RBFOX1: variants seen among roughly 807,000 people sequenced by gnomAD.
RBFOX1 encodes RNA binding protein fox-1 homolog 1.
A neutral mutation model predicts 57.7 loss-of-function variants in RBFOX1; 8 were observed. The observed-to-expected ratio is 0.14, with a 90% CI of 0.08 to 0.25. The LOEUF (loss-of-function observed/expected upper bound fraction) is 0.25, where lower values mean the gene tolerates loss of function less well. Among genes scored for constraint, RBFOX1 ranks in the 10% least tolerant of loss-of-function variants. The probability of loss-of-function intolerance (pLI) is 1.00; values close to 1 mark genes in which losing one functional copy is unlikely to be tolerated. For missense variants in RBFOX1, 611 were observed against 548.5 expected, an observed-to-expected ratio of 1.11 and a Z score of -1.14; for synonymous variants, 326 against 222.4, an observed-to-expected ratio of 1.47 and a Z score of -4.15.
rs1044919282 is a variant in RBFOX1 at position 6,915,990 on chromosome 16, A to T, written c.-15-136067A>T. Among the ~76,000 whole-genome samples, 4 of 147,634 alleles carry T rather than the reference A, an allele frequency of 2.7e-5. No individual in the cohort carries two copies. In the East Asian group the frequency reaches 5.9e-4, roughly 22 times the overall value. ...GCAGAAAAATCCAGTTTGACATTAAAAGCTGTTTTACTGGGAAAACTTAAA... is the reference window on the plus strand; with the variant it reads ...GCAGAAAAATCCAGTTTGACATTAATAGCTGTTTTACTGGGAAAACTTAAA... On this transcript the variant is annotated intron_variant, in intron 3 of 15. Transcript: ENST00000550418.
rs116499390 is a variant in RBFOX1, at chr16:7,435,993, T to C, written c.28-82154T>C. ...ACATAGCGACCTCTTTTCTTTTCTC[T>C]GCGCTGTGATCTTCAGTTAATTTTT... is the stretch of plus-strand genomic sequence containing the variant. On this transcript the variant is annotated intron_variant, in intron 4 of 15. Transcript: ENST00000550418. 5.3e-3 allele frequency among the ~76,000 whole-genome samples: 806 copies of C among 152,314 alleles called. 9 individuals are homozygous for C. The highest frequency in any genetic ancestry group is 0.019 in the African/African-American group (775 of 41,556).
intron 10 of RBFOX1, among the ~76,000 whole-genome samples, chr16:7,621,809 C>G (rs967094878): frequency 6.6e-6 from 1 of 152,128 alleles, no homozygotes; most frequent in African/African-American, 2.4e-5. Context: ...CACTGATCAG[C>G]AAACTTTGTC....
intron 3 of RBFOX1, among the ~76,000 whole-genome samples, chr16:6,737,347 A>G (rs569768087): frequency 1.1e-4 from 16 of 146,060 alleles, no homozygotes; most frequent in African/African-American, 3.6e-4. Context: ...AAAATGCATC[A>G]GTTTTATCTG....
chr16:6,795,572 C>A (rs1047191614), intron 3 of RBFOX1, among the ~76,000 whole-genome samples: 25 of 152,022 alleles, frequency 1.6e-4, no homozygotes, highest in African/African-American at 5.8e-4. Flanking sequence ...TCAAGACCAG[C>A]CTGGCCAATG....
intron 4 of RBFOX1, among the ~76,000 whole-genome samples, chr16:7,100,015 C>G (rs975658474): frequency 1.3e-5 from 2 of 151,766 alleles, no homozygotes; most frequent in Admixed American, 6.6e-5. Flanking sequence ...TCAGGTTAAA[C>G]TTTAGATTGC....
chr16:5,906,938 T>C (rs537481180), intron 4 of RBFOX1, among the ~76,000 whole-genome samples: 37 of 152,070 alleles, frequency 2.4e-4, no homozygotes, highest in African/African-American at 8.7e-4. Context: ...GGTTTCAACA[T>C]GTTGGTCAGG....
chr16:6,795,212 G>T (rs564589706), intron 3 of RBFOX1, among the ~76,000 whole-genome samples: 1 of 152,112 alleles, frequency 6.6e-6, no homozygotes, highest in Admixed American at 6.5e-5. Flanking sequence ...TGACTTCTAG[G>T]TTACCCACTT....
chr16:6,155,140 T>A (rs967537503), intron 1 of RBFOX1, among the ~76,000 whole-genome samples: 1 of 152,224 alleles, frequency 6.6e-6, no homozygotes, highest in African/African-American at 2.4e-5. Flanking sequence ...ATAAAATCCA[T>A]TGTACATATT....
intron 1 of RBFOX1, chr16:6,092,377 G>A (rs1274797818): frequency 6.6e-6 from 1 of 152,168 alleles, no homozygotes; most frequent in Non-Finnish European, 1.5e-5. Flanking sequence ...TCCCTGGCAA[G>A]CGAACTGTTA....
chr16:6,498,476 C>G (rs564647935), intron 2 of RBFOX1, among the ~76,000 whole-genome samples: 1 of 152,242 alleles, frequency 6.6e-6, no homozygotes, highest in African/African-American at 2.4e-5. Context: ...AGTCAGCCTT[C>G]TCAGAAGGAT....
chr16:5,308,178 A>T (rs1423252583), intron 1 of RBFOX1, among the ~76,000 whole-genome samples: 1 of 152,062 alleles, frequency 6.6e-6, no homozygotes, highest in Non-Finnish European at 1.5e-5. Flanking sequence ...CATCTTTACT[A>T]AAAATACAAA....
At chr16:5,584,299 T>G (rs2046763010) in intron 2 of RBFOX1, among the ~76,000 whole-genome samples, 1 of 152,238 alleles carries the variant, frequency 6.6e-6, no homozygotes, top group African/African-American at 2.4e-5. Context: ...CCCCTGCTCT[T>G]CTTGTCCTTG....
At chr16:7,001,901 G>A (rs535632434) in intron 3 of RBFOX1, among the ~76,000 whole-genome samples, 11 of 152,004 alleles carry the variant, frequency 7.2e-5, no homozygotes, top group African/African-American at 9.7e-5. Context: ...CATAGTAAGC[G>A]GGGGTCCCCA....
At chr16:6,648,068 C>T (rs964937870) in intron 2 of RBFOX1, among the ~76,000 whole-genome samples, 10 of 152,134 alleles carry the variant, frequency 6.6e-5, no homozygotes, top group Admixed American at 1.3e-4. Context: ...GTCTCAAACT[C>T]CTGGCCTCAA....
At chr16:6,929,025 G>A (rs2076089697) in intron 3 of RBFOX1, among the ~76,000 whole-genome samples, 1 of 152,124 alleles carries the variant, frequency 6.6e-6, no homozygotes, top group African/African-American at 2.4e-5. Flanking sequence ...GAGTTCCAAG[G>A]GAGCAGATGT....
intron 3 of RBFOX1, among the ~76,000 whole-genome samples, chr16:6,717,746 G>C (rs2065119508): frequency 6.6e-6 from 1 of 152,166 alleles, no homozygotes; most frequent in African/African-American, 2.4e-5. Context: ...TACCAGGGAT[G>C]TGTCATTAGT....
intron 1 of RBFOX1, among the ~76,000 whole-genome samples, chr16:6,137,111 A>C (rs2096672615): frequency 2.0e-5 from 3 of 152,180 alleles, no homozygotes. Context: ...CATGAATCAC[A>C]TCAATAGGTG....
At position 5,404,813 on chromosome 16, in the gene RBFOX1, A is replaced by T. The variant is rs2066817357; in HGVS notation, c.220-62403A>T. On this transcript the variant is annotated intron_variant, in intron 1 of 2. Transcript: ENST00000585867. ...ACAGCTTGTCAGAAGTGCTTGATAG[A>T]TTCCAAAGCAGTTGAGAGAGAGCGA... Among the ~76,000 whole-genome samples the T allele has an allele frequency of 2.0e-5, 3 of 152,226 alleles. No homozygotes were observed. In the South Asian group the frequency reaches 6.2e-4, roughly 32 times the overall value.
At chr16:7,429,685 G>T (rs1194673160) in intron 4 of RBFOX1, among the ~76,000 whole-genome samples, 3 of 152,250 alleles carry the variant, frequency 2.0e-5, no homozygotes, top group East Asian at 1.9e-4. Flanking sequence ...ACATGGCAAA[G>T]GTAGATAATA....
Sources: gnomAD v4.1 joint callset for allele counts (sites outside exome capture counted in the v4.1 genomes callset) on GRCh38, gnomAD v4.1.1 for gene constraint, MANE v1.5 for transcripts, NCBI Gene and HGNC (gene_info 2026-07-23, HGNC 2026-07-21) for gene names.